Variants in SPAG16 observed in about 807,000 individuals in gnomAD.
SPAG16 encodes sperm associated antigen 16, also known as sperm-associated antigen 16 protein.
SPAG16 carries 86 observed loss-of-function variants against 80.4 expected under a neutral mutation model. That is an observed-to-expected ratio of 1.07 (90% CI 0.90 to 1.28). The LOEUF (loss-of-function observed/expected upper bound fraction) is 1.28, where lower values mean the gene tolerates loss of function less well. Among genes scored for constraint, SPAG16 ranks in the 50% most tolerant of loss-of-function variants. SPAG16 has a pLI of 0.00. For missense variants in SPAG16, 870 were observed against 765.3 expected (o/e 1.14, Z -1.61); for synonymous variants, 294 against 265.9 (o/e 1.11, Z -1.03).
intron 11 of SPAG16, among the ~76,000 whole-genome samples, chr2:213,869,253 CAA>C (rs1329869756): frequency 2.7e-4 from 22 of 82,812 alleles, no homozygotes; most frequent in African/African-American, 8.6e-4. Context: ...AAGTCCATGT[CAA>C]AAAAAAAAAA....
At chr2:213,624,771 G>C (rs1033772827) in intron 10 of SPAG16, among the ~76,000 whole-genome samples, 1 of 152,146 alleles carries the variant, frequency 6.6e-6, no homozygotes, top group Non-Finnish European at 1.5e-5. Context: ...TCTTGGACAA[G>C]ATACTTAAGG....
At chr2:214,324,315 A>C (rs1357350263) in intron 15 of SPAG16, among the ~76,000 whole-genome samples, 1 of 152,144 alleles carries the variant, frequency 6.6e-6, no homozygotes, top group African/African-American at 2.4e-5. Flanking sequence ...TGTAGTTTTC[A>C]TTTTAAAGTT....
At chr2:213,824,605 C>A (rs540591495) in intron 10 of SPAG16, among the ~76,000 whole-genome samples, 29 of 152,082 alleles carry the variant, frequency 1.9e-4, no homozygotes, top group African/African-American at 6.5e-4. Flanking sequence ...GCCTATATAT[C>A]TTTTTATGCC....
intron 10 of SPAG16, among the ~76,000 whole-genome samples, chr2:213,668,151 C>A (rs2063680371): frequency 6.6e-6 from 1 of 151,878 alleles, no homozygotes; most frequent in South Asian, 2.1e-4. Flanking sequence ...GTTGGCCAGG[C>A]TGGTCTCAAA....
intron 14 of SPAG16, among the ~76,000 whole-genome samples, chr2:214,125,998 C>T (rs1576289318): frequency 3.7e-5 from 4 of 106,708 alleles, no homozygotes; most frequent in Non-Finnish European, 5.7e-5. Flanking sequence ...TTCCTTCCTT[C>T]TTTCCTTCCT....
chr2:213,464,829 C>A (rs1196473831), intron 9 of SPAG16, among the ~76,000 whole-genome samples: 1 of 152,214 alleles, frequency 6.6e-6, no homozygotes, highest in East Asian at 1.9e-4. Context: ...ATTTTAAGAA[C>A]TTTCCATTGG....
At chr2:214,093,965 G>A (rs1174047725) in intron 13 of SPAG16, among the ~76,000 whole-genome samples, 1 of 151,908 alleles carries the variant, frequency 6.6e-6, no homozygotes, top group East Asian at 1.9e-4. Flanking sequence ...TTCTCTACTG[G>A]ATCCTTATTA....
chr2:213,865,506 T>G (rs2075647519), intron 11 of SPAG16, among the ~76,000 whole-genome samples: 3 of 150,762 alleles, frequency 2.0e-5, no homozygotes, highest in Admixed American at 2.0e-4. Flanking sequence ...TTCTTTATCA[T>G]TAAATAAGAA....
rs139022650 is a variant in SPAG16, at chr2:213,878,393, C to G, written c.1214+15765C>G. ...TTCTAACTAGTTTAAGATGCTTTCT[C>G]CTTGTGTTTTTAACTTGTATTTGTC... On this transcript the variant is annotated intron_variant, in intron 11 of 15. Transcript: ENST00000331683. Among the ~76,000 whole-genome samples, 699 of 151,952 alleles carry G rather than the reference C, an allele frequency of 4.6e-3. 5 individuals carry two copies. The highest frequency in any genetic ancestry group is 0.016 in the African/African-American group (668 of 41,368).
intron 10 of SPAG16, among the ~76,000 whole-genome samples, chr2:213,816,225 C>A (rs1185687601): frequency 6.6e-6 from 1 of 152,050 alleles, no homozygotes; most frequent in Non-Finnish European, 1.5e-5. Context: ...TGAGTTACAT[C>A]CATATCATTA....
chr2:214,123,252 C>A (rs1227174278), intron 14 of SPAG16, among the ~76,000 whole-genome samples: 1 of 151,330 alleles, frequency 6.6e-6, no homozygotes, highest in Non-Finnish European at 1.5e-5. Flanking sequence ...ATTTAAGATT[C>A]TATTGCACCA....
intron 12 of SPAG16, among the ~76,000 whole-genome samples, chr2:213,978,829 C>A (rs1328649303): frequency 6.6e-6 from 1 of 152,056 alleles, no homozygotes; most frequent in Non-Finnish European, 1.5e-5. Context: ...ACTATGTGGA[C>A]TTCTCCACAG....
At chr2:214,183,025 C>T (rs1251935216) in intron 15 of SPAG16, among the ~76,000 whole-genome samples, 1 of 151,972 alleles carries the variant, frequency 6.6e-6, no homozygotes, top group Non-Finnish European at 1.5e-5. Context: ...ATCAATGACT[C>T]TAACCATTGG....
intron 12 of SPAG16, among the ~76,000 whole-genome samples, chr2:213,996,706 T>A (rs868750355): frequency 2.0e-5 from 3 of 151,818 alleles, no homozygotes; most frequent in Non-Finnish European, 2.9e-5. Flanking sequence ...GTAGCTGAGA[T>A]TACAGGCATG....
At chr2:213,630,526 G>A (rs1273083493) in intron 10 of SPAG16, among the ~76,000 whole-genome samples, 1 of 151,998 alleles carries the variant, frequency 6.6e-6, no homozygotes, top group Non-Finnish European at 1.5e-5. Flanking sequence ...GTGTGGGCTG[G>A]GATATAATGT....
intron 10 of SPAG16, among the ~76,000 whole-genome samples, chr2:213,834,156 A>C (rs1274675590): frequency 6.6e-6 from 1 of 151,888 alleles, no homozygotes; most frequent in Non-Finnish European, 1.5e-5. Flanking sequence ...TTCCACCATG[A>C]CTCTGAGGCC....
intron 10 of SPAG16, among the ~76,000 whole-genome samples, chr2:213,693,778 G>C (rs1462488596): frequency 6.6e-6 from 1 of 152,114 alleles, no homozygotes; most frequent in Non-Finnish European, 1.5e-5. Context: ...AGTTGCTTTT[G>C]TAGCTTTGAT....
chr2:214,384,820 G>GGAGA lies in SPAG16; in HGVS notation c.1721-25316_1721-25313dup, dbSNP rs1700656897. ...GAATAACTAAAAGAAGTCATATGTA[G>GGAGA]GAGAGAGTAACTAAAGCACATACTA... On this transcript the variant is annotated intron_variant, in intron 15 of 15. Coordinates refer to ENST00000331683, the MANE Select transcript of SPAG16 (RefSeq NM_024532.5). Among the ~76,000 whole-genome samples the GGAGA allele has an allele frequency of 7.2e-5, 11 of 152,294 alleles. No individual in the cohort carries two copies. The South Asian group carries it at 2.3e-3, about 32-fold the overall frequency.
chr2:214,160,634 CTT>C (rs1334422097), intron 15 of SPAG16, among the ~76,000 whole-genome samples: 1 of 151,928 alleles, frequency 6.6e-6, no homozygotes, highest in Non-Finnish European at 1.5e-5. Flanking sequence ...AATATGTTCT[CTT>C]AGATCTGCAG....
Sources: allele counts gnomAD v4.1 joint callset (sites outside exome capture counted in the v4.1 genomes callset), GRCh38; gene constraint gnomAD v4.1.1; transcripts MANE v1.5; gene names NCBI Gene and HGNC (gene_info 2026-07-23, HGNC 2026-07-21).